The following PDE11A variants were observed in gnomAD, a reference collection of about 807,000 sequenced individuals.
The protein encoded by PDE11A is phosphodiesterase 11A.
PDE11A carries 100 observed loss-of-function variants against 100.5 expected under a neutral mutation model. The ratio of observed to expected loss-of-function variants is 1.00; its 90% confidence interval spans 0.85 to 1.18. The LOEUF (loss-of-function observed/expected upper bound fraction) is 1.18, where lower values mean the gene tolerates loss of function less well. PDE11A is among the 50% of genes most tolerant of loss of function. The probability of loss-of-function intolerance (pLI) is 0.00; values close to 1 mark genes in which losing one functional copy is unlikely to be tolerated. For synonymous variants in PDE11A, 381 were observed against 420.8 expected (o/e 0.91, Z 1.16); for missense variants, 1,141 against 1,152.6 (o/e 0.99, Z 0.15).
chr2:177,711,919 A>G, intron 12 of PDE11A, 41 bp from the exon 13 acceptor site: 2 of 1,014,230 alleles, frequency 2.0e-6, no homozygotes, highest in Non-Finnish European at 3.1e-6. Context: ...CTACTGGGGT[A>G]CGGAGGATGG....
chr2:177,783,464 G>A (rs1263437921), intron 9 of PDE11A, among the ~76,000 whole-genome samples: 1 of 152,102 alleles, frequency 6.6e-6, no homozygotes, highest in Non-Finnish European at 1.5e-5. Flanking sequence ...TGAGCAACAA[G>A]TACCCAAACT....
chr2:177,754,006 C>T (rs2082057294), intron 10 of PDE11A, among the ~76,000 whole-genome samples: 1 of 152,066 alleles, frequency 6.6e-6, no homozygotes, highest in Admixed American at 6.6e-5. Flanking sequence ...CTGGATCATC[C>T]TCCTTTCCAG....
intron 2 of PDE11A, among the ~76,000 whole-genome samples, chr2:177,933,649 C>A (rs948793580): frequency 1.3e-5 from 2 of 152,088 alleles, no homozygotes; most frequent in African/African-American, 4.8e-5. Context: ...CCACTACACT[C>A]CAGCCTGGGT....
chr2:177,816,020 G>C (rs2083031981), intron 9 of PDE11A, among the ~76,000 whole-genome samples: 1 of 152,130 alleles, frequency 6.6e-6, no homozygotes, highest in Non-Finnish European at 1.5e-5. Flanking sequence ...AGACCAGCCT[G>C]GCCAACATAG....
intron 2 of PDE11A, among the ~76,000 whole-genome samples, chr2:177,967,631 A>G (rs2105794355): frequency 6.6e-6 from 1 of 152,160 alleles, no homozygotes; most frequent in African/African-American, 2.4e-5. Context: ...ATAGACTGAC[A>G]GTAGTAAGTA....
At chr2:177,914,172 TC>T (rs1180497035) in intron 2 of PDE11A, among the ~76,000 whole-genome samples, 1 of 152,208 alleles carries the variant, frequency 6.6e-6, no homozygotes, top group Non-Finnish European at 1.5e-5. Flanking sequence ...AAATATGGCC[TC>T]TTTTGCTTAT....
At chr2:177,997,300 A>G in intron 2 of PDE11A, 4 of 983,534 alleles carry the variant, frequency 4.1e-6, no homozygotes, top group Non-Finnish European at 6.6e-6. Context: ...AATTGCTGCT[A>G]TATTTCTCAC....
intron 19 of PDE11A, among the ~76,000 whole-genome samples, chr2:177,660,864 C>T (rs2080475847): frequency 6.6e-6 from 1 of 152,212 alleles, no homozygotes; most frequent in African/African-American, 2.4e-5. Context: ...CAGTGAAAGT[C>T]AATGAAGTCA....
chr2:177,639,856 C>T (rs1355400842), intron 19 of PDE11A, among the ~76,000 whole-genome samples: 1 of 152,164 alleles, frequency 6.6e-6, no homozygotes, highest in Non-Finnish European at 1.5e-5. Flanking sequence ...TACTCCTATA[C>T]TCTGTTGTTG....
At chr2:177,827,483 C>G (rs1268090020) in intron 6 of PDE11A, among the ~76,000 whole-genome samples, 2 of 152,088 alleles carry the variant, frequency 1.3e-5, no homozygotes, top group Non-Finnish European at 2.9e-5. Flanking sequence ...ATGTTGAGTC[C>G]AAGTGTTCAT....
chr2:178,064,966 A>G (rs1443981078), intron 1 of PDE11A, among the ~76,000 whole-genome samples: 2 of 152,132 alleles, frequency 1.3e-5, no homozygotes, highest in African/African-American at 4.8e-5. Flanking sequence ...AGTCAAAAAC[A>G]ACCAATTAAT....
Position 177,697,343 on chromosome 2 carries a change from C to T in PDE11A, c.2334G>A (p.Thr778=), listed in dbSNP as rs146436478. ...LKQSILATDL[T]LYFERRTEFF... ...ATGCCAATACCTACTCAAAGTACAG[C>T]GTGAGGTCTGTTGCCAATATTGACT... is the stretch of plus-strand genomic sequence containing the variant. The change falls in exon 15 of 20, where the codon ACG becomes ACA. Residue 778 remains threonine, a synonymous_variant. Transcript: ENST00000286063. 2.0e-4 allele frequency: 310 copies of T among 1,537,820 alleles called. No homozygotes were observed. The African/African-American group carries it at 3.4e-3, about 17-fold the overall frequency.
intron 3 of PDE11A, among the ~76,000 whole-genome samples, chr2:177,903,077 A>G (rs1447271704): frequency 6.6e-6 from 1 of 151,958 alleles, no homozygotes; most frequent in Non-Finnish European, 1.5e-5. Context: ...CTTTTCTACC[A>G]TCTGGCCTGC....
chr2:177,670,799 T>C (rs1268534112), intron 17 of PDE11A, among the ~76,000 whole-genome samples: 1 of 152,190 alleles, frequency 6.6e-6, no homozygotes, highest in Non-Finnish European at 1.5e-5. Context: ...ATGTGTGCAG[T>C]CACATATAAA....
chr2:177,768,270 T>A (rs928119588), intron 10 of PDE11A, among the ~76,000 whole-genome samples: 1 of 151,960 alleles, frequency 6.6e-6, no homozygotes, highest in African/African-American at 2.4e-5. Context: ...TTCATGCGCT[T>A]GTGTTTGGAA....
At chr2:177,760,122 T>G (rs1004555602) in intron 10 of PDE11A, among the ~76,000 whole-genome samples, 1 of 152,192 alleles carries the variant, frequency 6.6e-6, no homozygotes, top group Admixed American at 6.5e-5. Flanking sequence ...GGGGTTCCAT[T>G]TTTCTTGCTG....
chr2:178,077,203 C>A (rs1351197499), upstream of PDE11A, among the ~76,000 whole-genome samples: 1 of 151,510 alleles, frequency 6.6e-6, no homozygotes, highest in Non-Finnish European at 1.5e-5. Flanking sequence ...TCCAACAATT[C>A]ACCAAACAAA....
intron 2 of PDE11A, among the ~76,000 whole-genome samples, chr2:177,973,145 CGGGTGAT>C (rs2085794635): frequency 1.3e-5 from 2 of 150,448 alleles, no homozygotes; most frequent in Non-Finnish European, 3.0e-5. Flanking sequence ...ACGCAGAAGA[CGGGTGAT>C]TTCTGCATTT....
chr2:177,793,794 T>G (rs922682806), intron 9 of PDE11A, among the ~76,000 whole-genome samples: 3 of 152,144 alleles, frequency 2.0e-5, no homozygotes, highest in Non-Finnish European at 4.4e-5. Context: ...CACACTGACT[T>G]GCTCCGGTGT....
Sources: gnomAD v4.1 joint callset for allele counts (sites outside exome capture counted in the v4.1 genomes callset) on GRCh38, gnomAD v4.1.1 for gene constraint, MANE v1.5 for transcripts, NCBI Gene and HGNC (gene_info 2026-07-23, HGNC 2026-07-21) for gene names.